PTDSS2: variants seen among roughly 807,000 people sequenced by gnomAD.
PTDSS2 encodes PSS-2.
Under a neutral mutation model 64.7 loss-of-function variants are expected in PTDSS2, and 41 were observed. The observed-to-expected ratio is 0.63, with a 90% CI of 0.49 to 0.82. The LOEUF is 0.82. PTDSS2 is among the 40% of genes least tolerant of loss of function. The pLI is 0.00. For missense variants in PTDSS2, 485 were observed against 650.0 expected, an observed-to-expected ratio of 0.75 and a Z score of 2.76; for synonymous variants, 297 against 277.8, an observed-to-expected ratio of 1.07 and a Z score of -0.69.
At chr11:467,462 T>C (rs1337841890) in intron 2 of PTDSS2, among the ~76,000 whole-genome samples, 1 of 152,118 alleles carries the variant, frequency 6.6e-6, no homozygotes, top group African/African-American at 2.4e-5. Context: ...GAACTAAATA[T>C]AAATATATTC....
intron 1 of PTDSS2, among the ~76,000 whole-genome samples, chr11:457,014 G>A (rs1390416287): frequency 6.6e-6 from 1 of 152,182 alleles, no homozygotes. Context: ...GCCAAGGTGG[G>A]CAGATCCCTT....
intron 1 of PTDSS2, among the ~76,000 whole-genome samples, chr11:454,158 C>T (rs1406469210): frequency 2.0e-5 from 3 of 152,134 alleles, no homozygotes; most frequent in African/African-American, 4.8e-5. Flanking sequence ...TTTCCAGGAG[C>T]GTTGGATTTG....
chr11:476,608 GGA>G lies in PTDSS2; in HGVS notation c.368-2472_368-2471del, dbSNP rs1382823703. 1.3e-5 allele frequency among the ~76,000 whole-genome samples: 2 copies of G among 152,180 alleles called. No homozygotes were observed. The highest frequency in any genetic ancestry group is 1.3e-4 in the Admixed American group (2 of 15,278). ...TCCTGGCATGTGACCCCTGGCACAG[GGA>G]GAGACTCCCGGGAGACCCTCAGCTC... On this transcript the variant is annotated intron_variant, in intron 3 of 11. Coordinates refer to ENST00000308020, the MANE Select transcript of PTDSS2 (RefSeq NM_030783.3). This position sits in a 1 kb window ranked among gnomAD's most constrained non-coding sequence, Gnocchi z 4.9.
At chr11:465,594 A>C (rs1787171953) in intron 2 of PTDSS2, among the ~76,000 whole-genome samples, 1 of 152,250 alleles carries the variant, frequency 6.6e-6, no homozygotes, top group South Asian at 2.1e-4. Context: ...AGCACAATCC[A>C]TGAAAATAAA....
rs372081221 is a variant in PTDSS2 at position 490,400 on chromosome 11, C to T, written c.1302-20C>T. 8.1e-6 allele frequency: 13 copies of T among 1,612,960 alleles called. No individual in the cohort carries two copies. The highest frequency in any genetic ancestry group is 4.5e-5 in the East Asian group (2 of 44,886). Reference sequence around the variant, plus strand: ...GGGCTGGTGTGGGGGCAGGTGGTGACGCTGCATCCCGCTCCCCAGGGACAT... The same window carrying T: ...GGGCTGGTGTGGGGGCAGGTGGTGATGCTGCATCCCGCTCCCCAGGGACAT... On this transcript the variant is annotated intron_variant, in intron 11 of 11. Transcript: ENST00000308020.
intron 1 of PTDSS2, among the ~76,000 whole-genome samples, chr11:457,700 A>G (rs964990134): frequency 3.9e-5 from 6 of 152,170 alleles, no homozygotes; most frequent in African/African-American, 1.4e-4. Flanking sequence ...ATCTGCATGT[A>G]AGTCTTTGAC....
At chr11:452,617 T>C (rs1427843345) in intron 1 of PTDSS2, among the ~76,000 whole-genome samples, 10 of 152,158 alleles carry the variant, frequency 6.6e-5, no homozygotes, top group Admixed American at 6.5e-4. Context: ...TCCTGGGTCT[T>C]CTGGGTGGGT....
intron 2 of PTDSS2, among the ~76,000 whole-genome samples, chr11:467,368 A>T (rs61876326): frequency 6.6e-6 from 1 of 152,118 alleles, no homozygotes; most frequent in Non-Finnish European, 1.5e-5. Flanking sequence ...GACAGTACCA[A>T]CGCTTCCAGG....
chr11:460,019 C>T lies in PTDSS2; in HGVS notation c.183-168C>T, dbSNP rs1454397591. The T allele has an allele frequency of 6.6e-6, 4 of 609,830 alleles. No individual in the cohort carries two copies. The highest frequency in any genetic ancestry group is 1.9e-5 in the South Asian group (1 of 53,924). 37.8% of individuals were successfully genotyped at this position (609,830 alleles called of 1,614,324 possible). A position where few individuals can be genotyped will look rare whatever the true frequency, so the allele number is the denominator to read the frequency against. On this transcript the variant is annotated intron_variant, in intron 1 of 11. Transcript: ENST00000308020. The surrounding 1 kb of genome is among the most constrained non-coding windows in gnomAD (Gnocchi z 5.8). ...CCTGACTGGCCAGCAGACGCAGGGT[C>T]ATCTCGGAGTTACCCAGCTAGGGAC...
intron 1 of PTDSS2, among the ~76,000 whole-genome samples, chr11:453,425 C>T (rs940515444): frequency 2.6e-5 from 4 of 152,292 alleles, no homozygotes; most frequent in Non-Finnish European, 5.9e-5. Flanking sequence ...AACCAGTTCC[C>T]GAGCTGGGGG....
At position 461,748 on chromosome 11, in the gene PTDSS2, G is replaced by A. The variant is rs73385858; in HGVS notation, c.284+1460G>A. Among the ~76,000 whole-genome samples, 4,641 of 152,220 alleles carry A rather than the reference G, an allele frequency of 0.03. 243 individuals carry two copies. The highest frequency in any genetic ancestry group is 0.11 in the African/African-American group (4,391 of 41,510). ...TCTCCCTTTCTTAGGCAGTCCCAGC[G>A]GGGGTCACGTGCAGAACCTGCAGGC... On this transcript the variant is annotated intron_variant, in intron 2 of 11. Coordinates refer to ENST00000308020, the MANE Select transcript of PTDSS2 (RefSeq NM_030783.3). The surrounding 1 kb of genome is among the most constrained non-coding windows in gnomAD (Gnocchi z 4.2).
chr11:451,739 C>T (rs1320938640), intron 1 of PTDSS2, among the ~76,000 whole-genome samples: 1 of 152,116 alleles, frequency 6.6e-6, no homozygotes, highest in African/African-American at 2.4e-5. Flanking sequence ...CTTAACCGGT[C>T]CTGGCCTGTC....
chr11:490,627 C>T lies in PTDSS2; in HGVS notation c.*45C>T, dbSNP rs755047527. 2.8e-5 allele frequency: 43 copies of T among 1,525,514 alleles called. No individual in the cohort carries two copies. The East Asian group carries it at 2.9e-4, about 10-fold the overall frequency. The allele number at this position is 1,525,514 out of a possible 1,614,324, so 94.5% of individuals were successfully genotyped here. On this transcript the variant is annotated 3_prime_UTR_variant, in exon 12 of 12. Coordinates refer to ENST00000308020, the MANE Select transcript of PTDSS2 (RefSeq NM_030783.3). ...GTGAGCCTCCCAGAGCCCAGGCCTC[C>T]GTGGCCTCCTCCTGTGTGAGTCCCA... is the stretch of plus-strand genomic sequence containing the variant.
intron 2 of PTDSS2, among the ~76,000 whole-genome samples, chr11:465,956 C>A (rs1468646993): frequency 6.6e-6 from 1 of 152,080 alleles, no homozygotes; most frequent in African/African-American, 2.4e-5. Context: ...AAAATTTCTG[C>A]TTTGTAAAAG....
intron 2 of PTDSS2, among the ~76,000 whole-genome samples, chr11:471,639 C>G (rs1443136958): frequency 6.9e-6 from 1 of 145,794 alleles, no homozygotes; most frequent in South Asian, 2.2e-4. Flanking sequence ...GGAGGGCGGC[C>G]TGGGGTGACA....
chr11:462,631 C>T lies in PTDSS2; in HGVS notation c.284+2343C>T, dbSNP rs910304988. Among the ~76,000 whole-genome samples, 1 of 152,148 alleles carries T rather than the reference C, an allele frequency of 6.6e-6. No homozygotes were observed. Among genetic ancestry groups the T allele is most frequent in the Non-Finnish European group, 1.5e-5 (1 of 68,008 alleles). On this transcript the variant is annotated intron_variant, in intron 2 of 11. Transcript: ENST00000308020. This position sits in a 1 kb window ranked among gnomAD's most constrained non-coding sequence, Gnocchi z 4.5. ...CTGTGGCTCCTTCCAGTGAAATTGCCGTGGTGCACCTGTCCTGAGTCCATT... is the reference window on the plus strand; with the variant it reads ...CTGTGGCTCCTTCCAGTGAAATTGCTGTGGTGCACCTGTCCTGAGTCCATT...
intron 11 of PTDSS2, 35 bp downstream of exon 11, chr11:490,103 G>A: frequency 6.4e-6 from 10 of 1,572,044 alleles, no homozygotes; most frequent in Non-Finnish European, 8.6e-6. Flanking sequence ...TTCTGAAGGA[G>A]GGCCGCTGTC....
chr11:489,661 T>C lies in PTDSS2; in HGVS notation c.1043T>C (p.Leu348Pro), dbSNP rs1377041050. The C allele has an allele frequency of 1.3e-6, 2 of 1,598,494 alleles. No individual in the cohort carries two copies. Among genetic ancestry groups the C allele is most frequent in the Non-Finnish European group, 1.7e-6 (2 of 1,173,408 alleles). Residue 348 changes from leucine (L) to proline (P), a missense_variant, in exon 10 of 12, where the codon CTC becomes CCC. Around this residue, in one of 3 missense-constraint regions of PTDSS2, gnomAD observed 219 missense variants for 257.3 expected, o/e 0.85. Coordinates refer to ENST00000308020, the MANE Select transcript of PTDSS2 (RefSeq NM_030783.3). Reference sequence around the variant, plus strand: ...ATGCCCCCGGAGCACTACCTGGTCCTCCTGCGGCTCGTCTTCTTCGTGAAC... The same window carrying C: ...ATGCCCCCGGAGCACTACCTGGTCCCCCTGCGGCTCGTCTTCTTCGTGAAC... ...LWMPPEHYLVLLRLVFFVNVG... is the reference protein window; with the variant it reads ...LWMPPEHYLVPLRLVFFVNVG...
At chr11:464,068 C>T (rs1847031716) in intron 2 of PTDSS2, among the ~76,000 whole-genome samples, 1 of 151,888 alleles carries the variant, frequency 6.6e-6, no homozygotes, top group African/African-American at 2.4e-5. Flanking sequence ...CTGCAACCTT[C>T]ACCTCCCAGG....
Sources: allele counts gnomAD v4.1 joint callset (sites outside exome capture counted in the v4.1 genomes callset), GRCh38; gene constraint gnomAD v4.1.1; regional missense constraint gnomAD v4.1.1; non-coding constraint Gnocchi (gnomAD v3.1); transcripts MANE v1.5; gene names NCBI Gene and HGNC (gene_info 2026-07-23, HGNC 2026-07-21).